The following BTBD1 variants were observed in gnomAD, a reference collection of about 807,000 sequenced individuals.
BTBD1 encodes the protein BTB/POZ domain-containing protein 1.
Under a neutral mutation model 48.0 loss-of-function variants are expected in BTBD1, and 34 were observed. The ratio of observed to expected loss-of-function variants is 0.71; its 90% CI spans 0.54 to 0.94. BTBD1 has a LOEUF of 0.94. Ranked by LOEUF, BTBD1 falls within the 40% of genes least tolerant of loss-of-function variation. The pLI, the probability that BTBD1 is intolerant of heterozygous loss-of-function variation, is 0.00. For missense variants in BTBD1, 543 were observed against 625.6 expected (o/e 0.87, Z 1.41); for synonymous variants, 261 against 242.1 (o/e 1.08, Z -0.72).
chr15:83,060,282 T>TA (rs527416584), intron 1 of BTBD1, among the ~76,000 whole-genome samples: 56 of 151,018 alleles, frequency 3.7e-4, no homozygotes, highest in African/African-American at 1.1e-3. Context: ...TTATAATATT[T>TA]AAAAAAAAAC....
chr15:83,051,885 C>CACACACACACACAA (rs1555441194), intron 2 of BTBD1, among the ~76,000 whole-genome samples: 1 of 151,228 alleles, frequency 6.6e-6, no homozygotes, highest in Non-Finnish European at 1.5e-5. Flanking sequence ...TATACACACA[C>CACACACACACACAA]ACACACACAC....
chr15:83,042,021 C>A, intron 3 of BTBD1, 96 bp from the exon 4 acceptor site: 2 of 1,020,630 alleles, frequency 2.0e-6, no homozygotes, highest in South Asian at 1.5e-5. Context: ...TTTCAGATCT[C>A]AACAAAAAAT....
chr15:83,047,401 C>A (rs1045510493), intron 3 of BTBD1, among the ~76,000 whole-genome samples: 1 of 151,984 alleles, frequency 6.6e-6, no homozygotes, highest in Non-Finnish European at 1.5e-5. Context: ...TCCTGGCCAG[C>A]GCATATGGGA....
Position 83,066,897 on chromosome 15 carries a change from C to A in BTBD1, c.255G>T (p.Gly85=). ...GGTGGGCGGGGATGCGCTGCGGGCC[C>A]CCAGCGGCGGCGGCGCCGCGACCCT... ...LGKGRGAAAA[G]GPQRIPAHRF... Residue 85 remains glycine (G), a synonymous_variant, in exon 1 of 8, where the codon GGG becomes GGT. Transcript: ENST00000261721. 2 of 1,513,776 alleles carry A rather than the reference C, an allele frequency of 1.3e-6. No homozygotes were observed. Among genetic ancestry groups the A allele is most frequent in the Non-Finnish European group, 1.8e-6 (2 of 1,135,764 alleles). The allele number at this position is 1,513,776 out of a possible 1,614,324, so 93.8% of individuals were successfully genotyped here. A position where few individuals can be genotyped will look rare whatever the true frequency, so the allele number is the denominator to read the frequency against.
intron 1 of BTBD1, among the ~76,000 whole-genome samples, chr15:83,057,538 T>C (rs925495535): frequency 1.3e-5 from 2 of 152,248 alleles, no homozygotes; most frequent in African/African-American, 4.8e-5. Flanking sequence ...TCCTTGCCAT[T>C]ATCTTCTGGT....
chr15:83,053,190 T>C (rs1346689597), intron 2 of BTBD1, among the ~76,000 whole-genome samples: 2 of 152,174 alleles, frequency 1.3e-5, no homozygotes, highest in African/African-American at 4.8e-5. Context: ...AAAGTGTTTT[T>C]CCCTCTATAA....
At chr15:83,018,282 TGTG>T (rs1368918745) in intron 7 of BTBD1, 57 bp from the exon 8 acceptor site, 10 of 1,356,364 alleles carry the variant, frequency 7.4e-6, no homozygotes, top group Admixed American at 4.8e-5. Context: ...CTCAGTTTAA[TGTG>T]GTGTTTTAAT....
chr15:83,025,127 G>A (rs1022972263), intron 5 of BTBD1, among the ~76,000 whole-genome samples: 2 of 151,984 alleles, frequency 1.3e-5, no homozygotes, highest in African/African-American at 4.8e-5. Flanking sequence ...CTGGAGGTGG[G>A]CAGATCACCT....
intron 1 of BTBD1, among the ~76,000 whole-genome samples, chr15:83,057,712 G>A (rs184676936): frequency 6.6e-6 from 1 of 152,332 alleles, no homozygotes; most frequent in Admixed American, 6.5e-5. Flanking sequence ...AAAAGTTCTC[G>A]TCTGTTTCCT....
chr15:83,033,431 G>A (rs2032562792), intron 4 of BTBD1, among the ~76,000 whole-genome samples: 1 of 152,060 alleles, frequency 6.6e-6, no homozygotes, highest in African/African-American at 2.4e-5. Flanking sequence ...AAGGATTATT[G>A]ACTTTAAAAA....
chr15:83,016,592 A>G lies in BTBD1; in HGVS notation c.*1475T>C, dbSNP rs2032170837. 6.6e-6 allele frequency: 1 copy of G among 152,154 alleles called. No homozygotes were observed. The highest frequency in any genetic ancestry group is 2.1e-4 in the South Asian group (1 of 4,834). The allele number at this position is 152,154 out of a possible 1,614,324, so 9.4% of individuals were successfully genotyped here. A position where few individuals can be genotyped will look rare whatever the true frequency, so the allele number is the denominator to read the frequency against. ...CTCCAACGTCAAGAAACACTAACTC[A>G]TCTCTGGCATATCATATTTTTTAAG... is the stretch of plus-strand genomic sequence containing the variant. On this transcript the variant is annotated 3_prime_UTR_variant, in exon 8 of 8. Coordinates refer to ENST00000261721, the MANE Select transcript of BTBD1 (RefSeq NM_025238.4).
intron 2 of BTBD1, among the ~76,000 whole-genome samples, chr15:83,054,851 C>T (rs373489775): frequency 9.9e-5 from 15 of 152,044 alleles, no homozygotes; most frequent in Middle Eastern, 3.4e-3. Context: ...TGAGCCACCG[C>T]GCCCGGCTGG....
intron 2 of BTBD1, among the ~76,000 whole-genome samples, chr15:83,055,259 G>A (rs1019369248): frequency 2.7e-5 from 4 of 149,976 alleles, no homozygotes; most frequent in South Asian, 2.1e-4. Flanking sequence ...CTTAGAATAC[G>A]TGTACTTTCT....
rs2151297392 is a variant in BTBD1 at position 83,016,533 on chromosome 15, T to C, written c.*1534A>G. 6.6e-6 allele frequency: 1 copy of C among 151,068 alleles called. No individual in the cohort carries two copies. The highest frequency in any genetic ancestry group is 2.1e-4 in the South Asian group (1 of 4,802). 9.4% of individuals were successfully genotyped at this position (151,068 alleles called of 1,614,324 possible). On this transcript the variant is annotated 3_prime_UTR_variant, in exon 8 of 8. Transcript: ENST00000261721. ...CTTTTATGGCTGCATGCAGTTTCAA[T>C]TGTTCAGTACAACAGATGAGGCATT...
intron 4 of BTBD1, among the ~76,000 whole-genome samples, chr15:83,036,160 G>GAA (rs35994386): frequency 7.9e-6 from 1 of 126,816 alleles, no homozygotes; most frequent in South Asian, 2.6e-4. Flanking sequence ...AGCAAGAAAG[G>GAA]AAAAAAAAAA....
At chr15:83,049,953 G>C (rs2032945687) in intron 3 of BTBD1, 120 bp downstream of exon 3, 2 of 586,504 alleles carry the variant, frequency 3.4e-6, no homozygotes, top group Non-Finnish European at 6.0e-6. Flanking sequence ...AAAACTCTTA[G>C]AGAGACTTCA....
intron 4 of BTBD1, among the ~76,000 whole-genome samples, chr15:83,035,974 T>C (rs2032619068): frequency 6.6e-6 from 1 of 151,306 alleles, no homozygotes; most frequent in African/African-American, 2.4e-5. Context: ...AATCCAGTAA[T>C]ATATAAAAAG....
chr15:83,021,043 T>C lies in BTBD1; in HGVS notation c.1056-281A>G, dbSNP rs2032284148. Among the ~76,000 whole-genome samples the C allele has an allele frequency of 2.0e-5, 3 of 152,154 alleles. No individual in the cohort carries two copies. In the South Asian group the frequency reaches 6.2e-4, roughly 32 times the overall value. On this transcript the variant is annotated intron_variant, in intron 5 of 7. Transcript: ENST00000261721. ...TTTAGTGCTATACGAGTCCAAATAT[T>C]TGTACATCTTTTTCATGAACGCAGA...
chr15:83,031,093 G>GA (rs2032506576), intron 4 of BTBD1, among the ~76,000 whole-genome samples: 1 of 152,188 alleles, frequency 6.6e-6, no homozygotes, highest in Non-Finnish European at 1.5e-5. Context: ...GATCCTTGAG[G>GA]AATCGCCACA....
Sources: allele counts gnomAD v4.1 joint callset (sites outside exome capture counted in the v4.1 genomes callset), GRCh38; gene constraint gnomAD v4.1.1; transcripts MANE v1.5; gene names NCBI Gene and HGNC (gene_info 2026-07-23, HGNC 2026-07-21).